The following FAM117B variants were observed in gnomAD, a reference collection of about 807,000 sequenced individuals.
FAM117B encodes the protein family with sequence similarity 117 member B.
FAM117B carries 22 observed loss-of-function variants against 52.8 expected under a neutral mutation model. The observed-to-expected ratio is 0.42, with a 90% CI of 0.30 to 0.59. FAM117B has a LOEUF of 0.59. Ranked by LOEUF, FAM117B falls within the 20% of genes least tolerant of loss-of-function variation. The pLI is 0.22. For synonymous variants in FAM117B, 309 were observed against 324.1 expected (o/e 0.95, Z 0.50); for missense variants, 678 against 802.6 (o/e 0.84, Z 1.88).
intron 1 of FAM117B, among the ~76,000 whole-genome samples, chr2:202,642,235 G>T (rs1689781767): frequency 6.7e-6 from 1 of 149,446 alleles, no homozygotes; most frequent in African/African-American, 2.5e-5. Flanking sequence ...TTGCAAGCGT[G>T]AGCCACCACG....
At chr2:202,723,476 A>G (rs1054935854) in intron 2 of FAM117B, among the ~76,000 whole-genome samples, 2 of 152,148 alleles carry the variant, frequency 1.3e-5, no homozygotes, top group Admixed American at 1.3e-4. Flanking sequence ...TTACACACAC[A>G]TGCATTCTTT....
In FAM117B at chr2:202,635,074, G is replaced by A. The variant is rs1689653645; in HGVS notation, c.-114G>A. On this transcript the variant is annotated 5_prime_UTR_variant, in exon 1 of 8. Coordinates refer to ENST00000392238, the MANE Select transcript of FAM117B (RefSeq NM_173511.4). ...GGTCTCCCCCTGCACCCCGGAGTCC[G>A]GCTTCGTCACCCCGTCTTGGGGGGC... The A allele has an allele frequency of 8.1e-7, 1 of 1,231,886 alleles. No individual in the cohort carries two copies. The highest frequency in any genetic ancestry group is 1.0e-6 in the Non-Finnish European group (1 of 983,410). 76.3% of individuals were successfully genotyped at this position (1,231,886 alleles called of 1,614,324 possible). A position where few individuals can be genotyped will look rare whatever the true frequency, so the allele number is the denominator to read the frequency against.
intron 2 of FAM117B, among the ~76,000 whole-genome samples, chr2:202,697,664 C>A (rs758171291): frequency 1.3e-5 from 2 of 151,608 alleles, no homozygotes; most frequent in Non-Finnish European, 2.9e-5. Flanking sequence ...GATTCTCATG[C>A]CTCAGCCTCC....
chr2:202,718,318 T>C (rs1208688582), intron 2 of FAM117B, among the ~76,000 whole-genome samples: 1 of 152,206 alleles, frequency 6.6e-6, no homozygotes, highest in East Asian at 1.9e-4. Flanking sequence ...CAGTTTTTCT[T>C]CATTGAATAT....
intron 4 of FAM117B, among the ~76,000 whole-genome samples, chr2:202,743,073 A>G (rs1183799959): frequency 2.0e-5 from 3 of 152,164 alleles, no homozygotes. Context: ...AGCATGCCAC[A>G]TGGAAACCCA....
intron 1 of FAM117B, among the ~76,000 whole-genome samples, chr2:202,670,879 C>G (rs1690287910): frequency 6.6e-6 from 1 of 152,138 alleles, no homozygotes; most frequent in Non-Finnish European, 1.5e-5. Context: ...AATGAGTATA[C>G]TGGGCAGGCA....
At position 202,757,250 on chromosome 2, in the gene FAM117B, C is replaced by G. The variant is rs758379450; in HGVS notation, c.1142C>G (p.Pro381Arg). The G allele has an allele frequency of 1.9e-6, 3 of 1,614,126 alleles. No individual in the cohort carries two copies. The highest frequency in any genetic ancestry group is 2.2e-5 in the East Asian group (1 of 44,884). ...DIPDGHRAPP[P>R]LVQRSSSTRS... is the part of the protein sequence containing the mutation. ...CCAGATGGCCATCGTGCTCCACCCC[C>G]CCTTGTACAGAGAAGTAGCAGCACG... The change falls in exon 6 of 8, where the codon CCC becomes CGC. Residue 381 changes from proline to arginine, a missense_variant. Around this residue, in one of 3 missense-constraint regions of FAM117B, gnomAD observed 583 missense variants for 644.8 expected, o/e 0.90. Transcript: ENST00000392238.
intron 4 of FAM117B, among the ~76,000 whole-genome samples, chr2:202,746,388 A>T (rs1691633837): frequency 6.6e-6 from 1 of 151,828 alleles, no homozygotes; most frequent in Non-Finnish European, 1.5e-5. Context: ...TAAAGGAAAT[A>T]AAAAAAAATT....
At chr2:202,724,463 C>T (rs1222311967) in intron 2 of FAM117B, among the ~76,000 whole-genome samples, 1 of 152,200 alleles carries the variant, frequency 6.6e-6, no homozygotes, top group Non-Finnish European at 1.5e-5. Context: ...CCGCTTGTAA[C>T]ACCTTAGGCA....
chr2:202,764,273 G>T lies in FAM117B; in HGVS notation c.1452-1173G>T, dbSNP rs549858869. On this transcript the variant is annotated intron_variant, in intron 7 of 7. Coordinates refer to ENST00000392238, the MANE Select transcript of FAM117B (RefSeq NM_173511.4). Reference sequence around the variant, plus strand: ...TTTATTGAACTGATTTAGATTTTTTGTGTGTGTGTGAGACAGGGTCTTGCT... The same window carrying T: ...TTTATTGAACTGATTTAGATTTTTTTTGTGTGTGTGAGACAGGGTCTTGCT... 4.5e-4 allele frequency among the ~76,000 whole-genome samples: 68 copies of T among 151,882 alleles called. 1 individual carries two copies. In the South Asian group the frequency reaches 0.011, roughly 25 times the overall value.
intron 1 of FAM117B, among the ~76,000 whole-genome samples, chr2:202,640,285 AC>A (rs1689747995): frequency 9.0e-6 from 1 of 111,292 alleles, no homozygotes; most frequent in Non-Finnish European, 1.8e-5. Context: ...AACCACCACC[AC>A]CACCACAAAA....
At chr2:202,671,188 A>G (rs1172503931) in intron 1 of FAM117B, among the ~76,000 whole-genome samples, 1 of 152,228 alleles carries the variant, frequency 6.6e-6, no homozygotes, top group Non-Finnish European at 1.5e-5. Context: ...TGGTGTTTTA[A>G]TTTGGGTTCC....
Position 202,756,536 on chromosome 2 carries a change from T to C in FAM117B, c.1105-677T>C, listed in dbSNP as rs370168803. ...CTTTAGTGAAGGAGGAATTGAGTAT[T>C]GTATTGATGCTTAAGATCCTCTCCC... On this transcript the variant is annotated intron_variant, in intron 5 of 7. Coordinates refer to ENST00000392238, the MANE Select transcript of FAM117B (RefSeq NM_173511.4). Among the ~76,000 whole-genome samples the C allele has an allele frequency of 2.6e-5, 4 of 152,196 alleles. 1 individual carries two copies. The East Asian group carries it at 5.8e-4, about 22-fold the overall frequency.
intron 2 of FAM117B, among the ~76,000 whole-genome samples, chr2:202,707,043 T>C (rs1181498401): frequency 1.3e-5 from 2 of 152,052 alleles, no homozygotes; most frequent in Non-Finnish European, 2.9e-5. Context: ...TTTTTTGTTG[T>C]TGTTGTTTTT....
At chr2:202,674,760 T>G (rs958368537) in intron 1 of FAM117B, among the ~76,000 whole-genome samples, 14 of 152,246 alleles carry the variant, frequency 9.2e-5, no homozygotes, top group African/African-American at 3.4e-4. Context: ...GCCTTCAGGA[T>G]AAAAACCAAA....
intron 4 of FAM117B, among the ~76,000 whole-genome samples, chr2:202,739,868 C>T (rs373775010): frequency 3.3e-5 from 5 of 151,860 alleles, no homozygotes; most frequent in African/African-American, 7.2e-5. Context: ...TAAAAGACAG[C>T]AAATTTAAAA....
In FAM117B at chr2:202,767,768, G is replaced by T. The variant is rs555447955; in HGVS notation, c.*2004G>T. 4 of 152,246 alleles carry T rather than the reference G, an allele frequency of 2.6e-5. No homozygotes were observed. Among genetic ancestry groups the T allele is most frequent in the African/African-American group, 9.6e-5 (4 of 41,540 alleles). 9.4% of individuals were successfully genotyped at this position (152,246 alleles called of 1,614,324 possible). A position where few individuals can be genotyped will look rare whatever the true frequency, so the allele number is the denominator to read the frequency against. ...AATAATCCCTGTTGAGTTTAAATTCGAGATGCATTTAGGTAAATTGGATAA... is the reference window on the plus strand; with the variant it reads ...AATAATCCCTGTTGAGTTTAAATTCTAGATGCATTTAGGTAAATTGGATAA... On this transcript the variant is annotated 3_prime_UTR_variant, in exon 8 of 8. Coordinates refer to ENST00000392238, the MANE Select transcript of FAM117B (RefSeq NM_173511.4).
chr2:202,757,524 C>A (rs960389115), intron 6 of FAM117B, 86 bp downstream of exon 6: 1 of 1,349,224 alleles, frequency 7.4e-7, no homozygotes, highest in South Asian at 1.3e-5. Context: ...TAGCAGAACA[C>A]ACACACTCGA....
At chr2:202,690,030 A>G (rs1235464922) in intron 1 of FAM117B, among the ~76,000 whole-genome samples, 1 of 152,142 alleles carries the variant, frequency 6.6e-6, no homozygotes, top group Non-Finnish European at 1.5e-5. Context: ...GTAATGGAAT[A>G]CCTAAGGGTC....
Sources: gnomAD v4.1 joint callset for allele counts (sites outside exome capture counted in the v4.1 genomes callset) on GRCh38, gnomAD v4.1.1 for gene constraint, gnomAD v4.1.1 regional missense constraint, MANE v1.5 for transcripts, NCBI Gene and HGNC (gene_info 2026-07-23, HGNC 2026-07-21) for gene names.